Variants in PKN2 observed in about 807,000 individuals in gnomAD.
PKN2 encodes serine/threonine-protein kinase N2.
A neutral mutation model predicts 119.1 loss-of-function variants in PKN2; 38 were observed. That is an observed-to-expected ratio of 0.32 (90% confidence interval 0.25 to 0.42). The LOEUF (loss-of-function observed/expected upper bound fraction) is 0.42, where lower values mean the gene tolerates loss of function less well. Among genes scored for constraint, PKN2 ranks in the 10% least tolerant of loss-of-function variants. The probability of loss-of-function intolerance (pLI) is 1.00; values close to 1 mark genes in which losing one functional copy is unlikely to be tolerated. For synonymous variants in PKN2, 390 were observed against 384.9 expected (o/e 1.01, Z -0.15); for missense variants, 850 against 1,165.1 (o/e 0.73, Z 3.94).
chr1:88,763,159 G>T (rs1192412549), intron 3 of PKN2, among the ~76,000 whole-genome samples: 1 of 152,164 alleles, frequency 6.6e-6, no homozygotes, highest in Non-Finnish European at 1.5e-5. Context: ...GAGGCATATT[G>T]AGAGGTATAA....
At chr1:88,810,486 A>G (rs907862480) in intron 15 of PKN2, among the ~76,000 whole-genome samples, 3 of 152,086 alleles carry the variant, frequency 2.0e-5, no homozygotes, top group African/African-American at 7.2e-5. Flanking sequence ...TAAATAACTC[A>G]AGCTAAACTT....
intron 1 of PKN2, among the ~76,000 whole-genome samples, chr1:88,714,041 CCTTTCT>C (rs1264381215): frequency 6.6e-6 from 1 of 152,156 alleles, no homozygotes; most frequent in Non-Finnish European, 1.5e-5. Flanking sequence ...AATAGGGAAT[CCTTTCT>C]CCATTTCTTG....
chr1:88,748,442 G>C (rs1668857734), intron 2 of PKN2, among the ~76,000 whole-genome samples: 1 of 152,078 alleles, frequency 6.6e-6, no homozygotes, highest in South Asian at 2.1e-4. Context: ...TTATTCCTGA[G>C]TAATAGTTGA....
chr1:88,746,072 C>T (rs1206571671), intron 2 of PKN2, among the ~76,000 whole-genome samples: 3 of 152,096 alleles, frequency 2.0e-5, no homozygotes, highest in African/African-American at 7.2e-5. Context: ...TACGTAATAC[C>T]TTTATACCTT....
intron 1 of PKN2, among the ~76,000 whole-genome samples, chr1:88,721,627 G>A (rs569215221): frequency 6.6e-6 from 1 of 152,212 alleles, no homozygotes; most frequent in African/African-American, 2.4e-5. Flanking sequence ...TTTTTAACAT[G>A]GTTGATTTTG....
chr1:88,777,423 T>C lies in PKN2; in HGVS notation c.985+5544T>C, dbSNP rs543423722. The stretch of plus-strand genomic sequence containing the variant: ...TCAGTTTCTGTTAATTTCTTTTTTC[T>C]GTGAACTGACCGTATTCTGTTACTG... On this transcript the variant is annotated intron_variant, in intron 6 of 21. Coordinates refer to ENST00000370521, the MANE Select transcript of PKN2 (RefSeq NM_006256.4). 1.0e-3 allele frequency among the ~76,000 whole-genome samples: 152 copies of C among 152,330 alleles called. 1 individual carries two copies. The highest frequency in any genetic ancestry group is 3.4e-3 in the African/African-American group (142 of 41,562).
chr1:88,830,648 C>T (rs1034854975), intron 19 of PKN2, among the ~76,000 whole-genome samples: 1 of 152,070 alleles, frequency 6.6e-6, no homozygotes, highest in Non-Finnish European at 1.5e-5. Context: ...CTACTCCCTC[C>T]TATTATAAAG....
intron 12 of PKN2, among the ~76,000 whole-genome samples, chr1:88,807,065 C>T (rs1671571108): frequency 6.6e-6 from 1 of 151,936 alleles, no homozygotes; most frequent in Non-Finnish European, 1.5e-5. Flanking sequence ...GCGATGGCTC[C>T]AGCTACTCGG....
rs560083816 is a variant in PKN2, at chr1:88,704,580, A to T, written c.48+19952A>T. 2.0e-5 allele frequency among the ~76,000 whole-genome samples: 3 copies of T among 152,276 alleles called. No individual in the cohort carries two copies. In the East Asian group the frequency reaches 5.8e-4, roughly 29 times the overall value. ...AAAAAGCTACCAAATGATTTTCCAA[A>T]GTAGCTGTATCATTTTACTTTTCCA... On this transcript the variant is annotated intron_variant, in intron 1 of 21. Transcript: ENST00000370521.
At chr1:88,828,940 A>C (rs1195950271) in intron 19 of PKN2, 9 of 636,658 alleles carry the variant, frequency 1.4e-5, no homozygotes, top group Non-Finnish European at 2.7e-5. Flanking sequence ...AAAGGAATGT[A>C]CTCTGTACCT....
chr1:88,771,617 GTA>G (rs747138563), intron 5 of PKN2, 44 bp from the exon 6 acceptor site: 1 of 1,585,110 alleles, frequency 6.3e-7, no homozygotes, highest in Non-Finnish European at 8.6e-7. Context: ...ATTATTCAAA[GTA>G]TGTGATTATT....
intron 9 of PKN2, 96 bp from the exon 10 acceptor site, chr1:88,804,750 G>C (rs1299303547): frequency 2.6e-6 from 2 of 779,802 alleles, no homozygotes; most frequent in Non-Finnish European, 4.2e-6. Context: ...GGACTAAACT[G>C]TAACTAAGAT....
intron 6 of PKN2, among the ~76,000 whole-genome samples, chr1:88,782,784 T>A (rs529010837): frequency 9.2e-5 from 14 of 152,346 alleles, no homozygotes; most frequent in African/African-American, 2.4e-5. Context: ...GCCACTAAGC[T>A]TGTAATAATT....
At chr1:88,768,760 C>T (rs1022270288) in intron 3 of PKN2, among the ~76,000 whole-genome samples, 1 of 152,142 alleles carries the variant, frequency 6.6e-6, no homozygotes, top group Non-Finnish European at 1.5e-5. Flanking sequence ...TGCATTGATT[C>T]ATTTGTGTTG....
chr1:88,684,499 C>A lies in PKN2; in HGVS notation c.-82C>A. 4 of 1,069,876 alleles carry A rather than the reference C, an allele frequency of 3.7e-6. No homozygotes were observed. Among genetic ancestry groups the A allele is most frequent in the Non-Finnish European group, 5.4e-6 (4 of 746,122 alleles). 66.3% of individuals were successfully genotyped at this position (1,069,876 alleles called of 1,614,324 possible). ...TTTTTTTCTTTCTCTCCCCTCTCCT[C>A]ACCCCCACCCCGAGCCCCGTCCCGC... On this transcript the variant is annotated 5_prime_UTR_variant, in exon 1 of 22. Transcript: ENST00000370521.
At position 88,786,223 on chromosome 1, in the gene PKN2, C is replaced by T. The variant is rs776726778; in HGVS notation, c.1281+10C>T. 1.4e-4 allele frequency: 179 copies of T among 1,303,920 alleles called. No homozygotes were observed. Among genetic ancestry groups the T allele is most frequent in the Non-Finnish European group, 1.8e-4 (167 of 915,476 alleles). The allele number at this position is 1,303,920 out of a possible 1,614,324, so 80.8% of individuals were successfully genotyped here. A position where few individuals can be genotyped will look rare whatever the true frequency, so the allele number is the denominator to read the frequency against. On this transcript the variant is annotated intron_variant, in intron 8 of 21. Transcript: ENST00000370521. ...ACTGGAACTGGACAGGGTAAGAGGA[C>T]TAACATTTTACTTGAATTTTAATTA... is the stretch of plus-strand genomic sequence containing the variant.
chr1:88,828,706 T>C lies in PKN2; in HGVS notation c.2562+83T>C. 3 of 1,146,844 alleles carry C rather than the reference T, an allele frequency of 2.6e-6. No homozygotes were observed. In the South Asian group the frequency reaches 4.6e-5, roughly 17 times the overall value. The allele number at this position is 1,146,844 out of a possible 1,614,324, so 71.0% of individuals were successfully genotyped here. On this transcript the variant is annotated intron_variant, in intron 19 of 21. Transcript: ENST00000370521. Reference sequence around the variant, plus strand: ...TGTCATTTATAAAACCACCTAATACTGTCTTCAGTATGAGTGGAATTTAAG... The same window carrying C: ...TGTCATTTATAAAACCACCTAATACCGTCTTCAGTATGAGTGGAATTTAAG...
chr1:88,778,560 T>C (rs1557604858), intron 6 of PKN2, among the ~76,000 whole-genome samples: 1 of 152,212 alleles, frequency 6.6e-6, no homozygotes. Flanking sequence ...CTCCAAAGCA[T>C]TTCCTCTGCT....
chr1:88,752,698 C>T (rs1159524525), intron 2 of PKN2, among the ~76,000 whole-genome samples: 3 of 152,030 alleles, frequency 2.0e-5, no homozygotes, highest in African/African-American at 7.2e-5. Context: ...CTTAAAGTAT[C>T]TTTTGTCTGT....
Sources: gnomAD v4.1 joint callset for allele counts (sites outside exome capture counted in the v4.1 genomes callset) on GRCh38, gnomAD v4.1.1 for gene constraint, MANE v1.5 for transcripts, NCBI Gene and HGNC (gene_info 2026-07-23, HGNC 2026-07-21) for gene names.